WWOX: variants seen among roughly 807,000 people sequenced by gnomAD.
The protein encoded by WWOX is WW domain containing oxidoreductase, also known as WW domain-containing oxidoreductase.
A neutral mutation model predicts 46.2 loss-of-function variants in WWOX; 69 were observed. The observed-to-expected ratio is 1.49, with a 90% CI of 1.23 to 1.82. The LOEUF is 1.82. Ranked by LOEUF, WWOX falls within the 40% of genes most tolerant of loss-of-function variation. The pLI is 0.00. For missense variants in WWOX, 919 were observed against 542.6 expected (o/e 1.69, Z -6.89); for synonymous variants, 359 against 202.6 (o/e 1.77, Z -6.56).
At chr16:79,091,748 C>A (rs568114450) in intron 8 of WWOX, among the ~76,000 whole-genome samples, 10 of 151,828 alleles carry the variant, frequency 6.6e-5, no homozygotes, top group African/African-American at 1.9e-4. Context: ...TCTGCACACA[C>A]CCGACCGCAT....
chr16:78,594,353 T>C lies in WWOX; in HGVS notation c.1056+161601T>C, dbSNP rs2045426385. Among the ~76,000 whole-genome samples, 3 of 150,294 alleles carry C rather than the reference T, an allele frequency of 2.0e-5. 1 individual carries two copies. The Middle Eastern group carries it at 0.01, about 511-fold the overall frequency. Reference sequence around the variant, plus strand: ...CCAGCAGCAAAACCCAATCCGCTCATATTCTTGCATTTGCTGCAGCAAAAC... The same window carrying C: ...CCAGCAGCAAAACCCAATCCGCTCACATTCTTGCATTTGCTGCAGCAAAAC... On this transcript the variant is annotated intron_variant, in intron 8 of 8. Transcript: ENST00000566780.
chr16:78,165,131 A>G (rs1246360045), intron 5 of WWOX, among the ~76,000 whole-genome samples: 1 of 152,174 alleles, frequency 6.6e-6, no homozygotes, highest in Non-Finnish European at 1.5e-5. Flanking sequence ...GGGGATGGGT[A>G]TCTGGTAGAC....
intron 8 of WWOX, among the ~76,000 whole-genome samples, chr16:78,944,539 C>T (rs1009960122): frequency 6.6e-6 from 1 of 152,152 alleles, no homozygotes; most frequent in African/African-American, 2.4e-5. Context: ...TGTATCGAAT[C>T]AAGCTGTGGT....
chr16:79,017,010 C>A (rs2047427659), intron 8 of WWOX: 1 of 152,128 alleles, frequency 6.6e-6, no homozygotes, highest in African/African-American at 2.4e-5. Context: ...TAGATGGTAT[C>A]ACCTTCAAAG....
intron 8 of WWOX, among the ~76,000 whole-genome samples, chr16:78,639,378 C>A (rs934144435): frequency 2.6e-5 from 4 of 152,128 alleles, no homozygotes; most frequent in Admixed American, 6.5e-5. Flanking sequence ...TCATAACAGA[C>A]CTGTGGGCTC....
At chr16:78,552,769 T>G (rs1384662405) in intron 8 of WWOX, 1 of 152,304 alleles carries the variant, frequency 6.6e-6, no homozygotes, top group Non-Finnish European at 1.5e-5. Context: ...TTCATTCATT[T>G]TCCTTTTCTC....
At chr16:78,841,475 C>T (rs1487069811) in intron 8 of WWOX, among the ~76,000 whole-genome samples, 1 of 152,130 alleles carries the variant, frequency 6.6e-6, no homozygotes, top group African/African-American at 2.4e-5. Flanking sequence ...AATATTTACA[C>T]CATGGAAAGT....
At chr16:78,526,413 C>T (rs2043469357) in intron 8 of WWOX, 1 of 152,142 alleles carries the variant, frequency 6.6e-6, no homozygotes, top group South Asian at 2.1e-4. Flanking sequence ...AGTGAATCCC[C>T]AAAGGTACAT....
intron 5 of WWOX, among the ~76,000 whole-genome samples, chr16:78,334,397 C>G (rs932323960): frequency 6.6e-6 from 1 of 152,148 alleles, no homozygotes; most frequent in Admixed American, 6.6e-5. Context: ...AATATAACAA[C>G]AGCGAACAAC....
chr16:78,936,115 A>G (rs916583910), intron 8 of WWOX, among the ~76,000 whole-genome samples: 22 of 152,056 alleles, frequency 1.4e-4, no homozygotes, highest in African/African-American at 5.1e-4. Flanking sequence ...GAAGGAGGTA[A>G]TGATGAGTTT....
rs907612703 is a variant in WWOX at position 78,996,295 on chromosome 16, A to G, written c.1057-215313A>G. 3.0e-6 allele frequency: 3 copies of G among 984,386 alleles called. No individual in the cohort carries two copies. The African/African-American group carries it at 5.3e-5, about 17-fold the overall frequency. The allele number at this position is 984,386 out of a possible 1,614,324, so 61.0% of individuals were successfully genotyped here. ...CAGCTGGGTGCTCCCTGGAAGATGG[A>G]TCTTGCCTTGTGGATGTTTTTCTAC... On this transcript the variant is annotated intron_variant, in intron 8 of 8. Coordinates refer to ENST00000566780, the MANE Select transcript of WWOX (RefSeq NM_016373.4).
At chr16:78,674,829 A>ATT (rs5818159) in intron 8 of WWOX, among the ~76,000 whole-genome samples, 158 of 147,962 alleles carry the variant, frequency 1.1e-3, no homozygotes, top group East Asian at 2.4e-3. Context: ...TTCATTTTTC[A>ATT]TTTTTTTTTT....
rs76938787 is a variant in WWOX, at chr16:78,900,412, G to C, written c.1057-311196G>C. On this transcript the variant is annotated intron_variant, in intron 8 of 8. Coordinates refer to ENST00000566780, the MANE Select transcript of WWOX (RefSeq NM_016373.4). Reference sequence around the variant, plus strand: ...AATTTGCTGGGCACCCAAATAATTTGTTTTTTATTTTTCCTTAAAAATGAG... The same window carrying C: ...AATTTGCTGGGCACCCAAATAATTTCTTTTTTATTTTTCCTTAAAAATGAG... 2.3e-3 allele frequency among the ~76,000 whole-genome samples: 356 copies of C among 152,182 alleles called. 13 individuals carry two copies. In the East Asian group the frequency reaches 0.063, roughly 27 times the overall value.
intron 8 of WWOX, among the ~76,000 whole-genome samples, chr16:78,583,969 C>A (rs539774274): frequency 6.6e-6 from 1 of 152,338 alleles, no homozygotes; most frequent in African/African-American, 2.4e-5. Context: ...CTCCCAAACA[C>A]TTCAAGAAGG....
chr16:78,176,434 G>A (rs1363723453), intron 5 of WWOX, among the ~76,000 whole-genome samples: 2 of 152,188 alleles, frequency 1.3e-5, no homozygotes, highest in Admixed American at 1.3e-4. Flanking sequence ...TGAATGAAGA[G>A]CACAGTCTTC....
At chr16:78,407,875 T>G (rs1396437892) in intron 6 of WWOX, among the ~76,000 whole-genome samples, 2 of 152,242 alleles carry the variant, frequency 1.3e-5, no homozygotes, top group Admixed American at 1.3e-4. Context: ...CATTGATTAC[T>G]GTCTACTGTA....
chr16:79,151,565 G>A (rs1221940247), intron 8 of WWOX, among the ~76,000 whole-genome samples: 2 of 152,182 alleles, frequency 1.3e-5, no homozygotes, highest in African/African-American at 4.8e-5. Flanking sequence ...TGATTTAGAA[G>A]GCGACAGAGC....
chr16:78,325,643 C>T lies in WWOX; in HGVS notation c.517-61217C>T, dbSNP rs77559500. On this transcript the variant is annotated intron_variant, in intron 5 of 8. Transcript: ENST00000566780. ...AGAAGGAGGTCAACCCGGCCTTCTC[C>T]GTTTGGCAGCTTGATTAATTTATTT... Among the ~76,000 whole-genome samples the T allele has an allele frequency of 1.4e-4, 22 of 152,290 alleles. No individual in the cohort carries two copies. In the East Asian group the frequency reaches 3.5e-3, roughly 24 times the overall value.
intron 8 of WWOX, among the ~76,000 whole-genome samples, chr16:78,705,596 A>T (rs1056083105): frequency 6.6e-6 from 1 of 152,200 alleles, no homozygotes. Flanking sequence ...TTCATGCAGT[A>T]AATACTTAAA....
Sources: allele counts gnomAD v4.1 joint callset (sites outside exome capture counted in the v4.1 genomes callset), GRCh38; gene constraint gnomAD v4.1.1; transcripts MANE v1.5; gene names NCBI Gene and HGNC (gene_info 2026-07-23, HGNC 2026-07-21).